Variants in CDK14 observed in about 807,000 individuals in gnomAD.
The protein encoded by CDK14 is cyclin dependent kinase 14.
In CDK14, 34 loss-of-function variants were observed where a neutral mutation model predicts 60.7. The ratio of observed to expected loss-of-function variants is 0.56; its 90% CI spans 0.43 to 0.75. The LOEUF (loss-of-function observed/expected upper bound fraction) is 0.75, where lower values mean the gene tolerates loss of function less well. CDK14 is among the 30% of genes least tolerant of loss of function. CDK14 has a pLI of 0.00. For synonymous variants in CDK14, 197 were observed against 203.7 expected, an observed-to-expected ratio of 0.97 and a Z score of 0.28; for missense variants, 482 against 564.1, an observed-to-expected ratio of 0.85 and a Z score of 1.47.
intron 14 of CDK14, among the ~76,000 whole-genome samples, chr7:91,203,095 C>A (rs767695244): frequency 2.6e-5 from 4 of 151,844 alleles, no homozygotes; most frequent in Non-Finnish European, 5.9e-5. Context: ...GAAATCAAAT[C>A]ATTCCTTTCA....
At chr7:91,018,015 G>A (rs1029040260) in intron 10 of CDK14, among the ~76,000 whole-genome samples, 2 of 152,196 alleles carry the variant, frequency 1.3e-5, no homozygotes, top group African/African-American at 4.8e-5. Context: ...CCTAAAAGAG[G>A]CATGGGGGAC....
intron 2 of CDK14, among the ~76,000 whole-genome samples, chr7:90,653,831 T>C (rs1441812393): frequency 6.6e-6 from 1 of 152,154 alleles, no homozygotes; most frequent in Admixed American, 6.5e-5. Flanking sequence ...CCCCACCTGA[T>C]GACAGGCCCC....
At chr7:91,033,296 T>C (rs1052430407) in intron 10 of CDK14, among the ~76,000 whole-genome samples, 4 of 152,138 alleles carry the variant, frequency 2.6e-5, no homozygotes, top group African/African-American at 9.7e-5. Context: ...TTATCATCAG[T>C]GGTAGCTCCT....
chr7:91,007,006 T>C (rs182807706), intron 10 of CDK14, among the ~76,000 whole-genome samples: 61 of 152,370 alleles, frequency 4.0e-4, no homozygotes, highest in African/African-American at 1.2e-3. Context: ...TGCATCCTTG[T>C]TCATACTCAG....
rs117109042 is a variant in CDK14, at chr7:90,611,370, C to T, written c.123+7121C>T. ...CCAACTGCCCACTAGAAGTTTCTGC[C>T]GCTATGTCTCACAGTCACCTTGATT... is the stretch of plus-strand genomic sequence containing the variant. On this transcript the variant is annotated intron_variant, in intron 2 of 14. Transcript: ENST00000380050. Among the ~76,000 whole-genome samples the T allele has an allele frequency of 3.9e-4, 59 of 152,268 alleles. No individual in the cohort carries two copies. In the East Asian group the frequency reaches 6.6e-3, roughly 17 times the overall value.
At chr7:90,623,078 T>C (rs1278721546) in intron 2 of CDK14, among the ~76,000 whole-genome samples, 1 of 151,090 alleles carries the variant, frequency 6.6e-6, no homozygotes. Context: ...TCTCGTATTA[T>C]ATATATATTT....
At chr7:90,795,253 G>A (rs1806010923) in intron 5 of CDK14, among the ~76,000 whole-genome samples, 1 of 151,978 alleles carries the variant, frequency 6.6e-6, no homozygotes, top group African/African-American at 2.4e-5. Flanking sequence ...TTCCTTAGTG[G>A]CAGTGCTGCT....
intron 2 of CDK14, among the ~76,000 whole-genome samples, chr7:90,615,882 C>T (rs11760298): frequency 2.0e-4 from 31 of 152,234 alleles, no homozygotes; most frequent in Non-Finnish European, 3.7e-4. Flanking sequence ...AATATTCACG[C>T]ACCTTGAAAA....
intron 5 of CDK14, among the ~76,000 whole-genome samples, chr7:90,837,112 ATGG>A (rs1034673231): frequency 6.6e-6 from 1 of 152,122 alleles, no homozygotes; most frequent in Non-Finnish European, 1.5e-5. Flanking sequence ...TTAGAGTTTA[ATGG>A]GATAGCTGGC....
At position 90,933,034 on chromosome 7, in the gene CDK14, G is replaced by T. The variant is rs1018968493; in HGVS notation, c.826+15310G>T. ...TCGTGGTGATTAAACTATGTGATAT[G>T]GTTTTCCATAAGGAATAACAGTTGG... On this transcript the variant is annotated intron_variant, in intron 8 of 14. Coordinates refer to ENST00000380050, the MANE Select transcript of CDK14 (RefSeq NM_001287135.2). Among the ~76,000 whole-genome samples, 3 of 152,108 alleles carry T rather than the reference G, an allele frequency of 2.0e-5. No homozygotes were observed. The East Asian group carries it at 5.8e-4, about 29-fold the overall frequency.
At chr7:90,851,689 T>C (rs970891881) in intron 5 of CDK14, among the ~76,000 whole-genome samples, 1 of 152,164 alleles carries the variant, frequency 6.6e-6, no homozygotes, top group African/African-American at 2.4e-5. Context: ...TGACAGTGCG[T>C]ACAGAGATGC....
chr7:90,666,002 C>T (rs1800972589), intron 2 of CDK14, among the ~76,000 whole-genome samples: 2 of 152,208 alleles, frequency 1.3e-5, no homozygotes, highest in East Asian at 3.9e-4. Context: ...TTCCACTGCT[C>T]TCACATCCAA....
At chr7:90,641,768 A>G (rs17867409) in intron 2 of CDK14, among the ~76,000 whole-genome samples, 4 of 152,186 alleles carry the variant, frequency 2.6e-5, no homozygotes, top group Non-Finnish European at 4.4e-5. Context: ...ACTAAAAACC[A>G]TTTTTATTAG....
At chr7:91,120,845 C>T (rs1799763143) in intron 14 of CDK14, among the ~76,000 whole-genome samples, 1 of 151,970 alleles carries the variant, frequency 6.6e-6, no homozygotes, top group Non-Finnish European at 1.5e-5. Flanking sequence ...CCCAATAAAG[C>T]TTTAATATTA....
chr7:91,152,356 C>T, intron 14 of CDK14, among the ~76,000 whole-genome samples: 1 of 152,130 alleles, frequency 6.6e-6, no homozygotes, highest in East Asian at 1.9e-4. Flanking sequence ...CATTATATTA[C>T]ATTTTTGGGT....
At chr7:90,986,663 G>A (rs1163401878) in intron 10 of CDK14, among the ~76,000 whole-genome samples, 1 of 151,530 alleles carries the variant, frequency 6.6e-6, no homozygotes, top group Admixed American at 6.6e-5. Context: ...ATTTTGTATT[G>A]ACAAAAATGG....
At chr7:90,729,344 GTTTTTTTTTTTT>G (rs1237046149) in intron 3 of CDK14, among the ~76,000 whole-genome samples, 3 of 45,216 alleles carry the variant, frequency 6.6e-5, no homozygotes, top group African/African-American at 2.6e-4. Flanking sequence ...AGGTATCAAG[GTTTTTTTTTTTT>G]TTTTTTTTTT....
intron 5 of CDK14, among the ~76,000 whole-genome samples, chr7:90,814,496 A>G (rs1210123074): frequency 4.6e-5 from 7 of 152,164 alleles, no homozygotes; most frequent in African/African-American, 9.7e-5. Context: ...TAAAAACTAC[A>G]TTGTGGCCGG....
chr7:91,089,005 T>G (rs1416460622), intron 12 of CDK14, among the ~76,000 whole-genome samples: 2 of 152,198 alleles, frequency 1.3e-5, no homozygotes, highest in African/African-American at 4.8e-5. Flanking sequence ...GAAGTAAAGA[T>G]GAAGGGTAGT....
Sources: gnomAD v4.1 joint callset for allele counts (sites outside exome capture counted in the v4.1 genomes callset) on GRCh38, gnomAD v4.1.1 for gene constraint, MANE v1.5 for transcripts, NCBI Gene and HGNC (gene_info 2026-07-23, HGNC 2026-07-21) for gene names.